MAP3K13: variants seen among roughly 807,000 people sequenced by gnomAD.
The protein encoded by MAP3K13 is mitogen-activated protein kinase kinase kinase 13.
A neutral mutation model predicts 104.0 loss-of-function variants in MAP3K13; 52 were observed. The ratio of observed to expected loss-of-function variants is 0.50; its 90% CI spans 0.40 to 0.63. The LOEUF (loss-of-function observed/expected upper bound fraction) is 0.63. Among genes scored for constraint, MAP3K13 ranks in the 20% least tolerant of loss-of-function variants. MAP3K13 has a pLI of 0.00. For synonymous variants in MAP3K13, 394 were observed against 442.2 expected, an observed-to-expected ratio of 0.89 and a Z score of 1.37; for missense variants, 914 against 1,218.5, an observed-to-expected ratio of 0.75 and a Z score of 3.72.
At chr3:185,313,613 T>C (rs1721574966) in intron 2 of MAP3K13, among the ~76,000 whole-genome samples, 1 of 151,928 alleles carries the variant, frequency 6.6e-6, no homozygotes, top group African/African-American at 2.4e-5. Context: ...AAATTCAGAA[T>C]AGTGATTAAA....
chr3:185,430,151 G>A (rs950826433), intron 2 of MAP3K13, among the ~76,000 whole-genome samples: 23 of 151,888 alleles, frequency 1.5e-4, no homozygotes, highest in African/African-American at 4.4e-4. Context: ...AGCCAAGATC[G>A]TGCCACTGCA....
intron 2 of MAP3K13, among the ~76,000 whole-genome samples, chr3:185,329,629 A>G (rs959568417): frequency 1.3e-5 from 2 of 152,212 alleles, no homozygotes; most frequent in African/African-American, 4.8e-5. Flanking sequence ...TCCCAGTACT[A>G]TGGTGCGTAA....
chr3:185,297,533 G>A (rs1394604424), intron 2 of MAP3K13, among the ~76,000 whole-genome samples: 1 of 152,044 alleles, frequency 6.6e-6, no homozygotes, highest in African/African-American at 2.4e-5. Context: ...TCAGGAGTTC[G>A]AGACCAGCCT....
In MAP3K13 at chr3:185,449,913, GT is replaced by G; in HGVS notation, c.1025del (p.Val342GlyfsTer6). The G allele has an allele frequency of 6.2e-7, 1 of 1,610,476 alleles. No individual in the cohort carries two copies. The highest frequency in any genetic ancestry group is 8.5e-7 in the Non-Finnish European group (1 of 1,178,636). ...GCGCTACTGTAGGTCTTTTGGAGTG[GT>G]GCTTTGGGAGCTGCTGACAGGAGAG... is the stretch of plus-strand genomic sequence containing the variant. ...EKVDIWSFGV[V>X]LWELLTGEIP... On this transcript the variant is annotated frameshift_variant, in exon 6 of 14. Coordinates refer to ENST00000265026, the MANE Select transcript of MAP3K13 (RefSeq NM_004721.5). LOFTEE classifies it high-confidence loss of function.
At chr3:185,363,459 G>A in intron 1 of MAP3K13, 91 bp downstream of exon 1, 1 of 679,498 alleles carries the variant, frequency 1.5e-6, no homozygotes, top group African/African-American at 2.0e-5. Flanking sequence ...TTAGAAAGCT[G>A]ATATTATTGA....
intron 7 of MAP3K13, among the ~76,000 whole-genome samples, chr3:185,455,597 T>C (rs868677262): frequency 0.018 from 84 of 4,638 alleles, 24 homozygotes; most frequent in African/African-American, 0.039. Context: ...ATATATGAGA[T>C]ATATATATCA....
chr3:185,320,397 A>G (rs1721815022), intron 2 of MAP3K13, among the ~76,000 whole-genome samples: 1 of 152,176 alleles, frequency 6.6e-6, no homozygotes, highest in Non-Finnish European at 1.5e-5. Context: ...AGTGACTTTT[A>G]GTGTAGAAAG....
chr3:185,384,839 C>T (rs1035664308), intron 1 of MAP3K13, among the ~76,000 whole-genome samples: 26 of 152,138 alleles, frequency 1.7e-4, no homozygotes, highest in African/African-American at 6.0e-4. Context: ...GTATATTCTG[C>T]ATATTGGTCC....
At chr3:185,359,423 T>TTTA (rs1723512275), upstream of MAP3K13, among the ~76,000 whole-genome samples, 1 of 152,182 alleles carries the variant, frequency 6.6e-6, no homozygotes, top group Non-Finnish European at 1.5e-5. Context: ...CTGTTCAAGA[T>TTTA]TTATTATAAG....
chr3:185,347,946 C>T (rs367654879), intron 2 of MAP3K13, among the ~76,000 whole-genome samples: 18 of 145,392 alleles, frequency 1.2e-4, no homozygotes, highest in Admixed American at 5.7e-4. Context: ...TGGGAGGCGG[C>T]GGTTGCAGTG....
intron 2 of MAP3K13, among the ~76,000 whole-genome samples, chr3:185,335,874 C>A (rs1344427567): frequency 2.6e-5 from 4 of 152,050 alleles, no homozygotes; most frequent in Non-Finnish European, 5.9e-5. Context: ...CCTGCTCAGC[C>A]CTCCTCTCTC....
intron 2 of MAP3K13, among the ~76,000 whole-genome samples, chr3:185,330,858 A>T (rs1375440130): frequency 6.6e-6 from 1 of 152,144 alleles, no homozygotes; most frequent in Non-Finnish European, 1.5e-5. Context: ...GTTCTCACTC[A>T]GGTTGCTCTA....
At chr3:185,409,439 TATC>T (rs1713304369) in intron 1 of MAP3K13, among the ~76,000 whole-genome samples, 1 of 152,034 alleles carries the variant, frequency 6.6e-6, no homozygotes, top group South Asian at 2.1e-4. Flanking sequence ...CACAATGAGA[TATC>T]ATCTCACCCA....
Position 185,331,092 on chromosome 3 carries a change from C to CTTTTTTT in MAP3K13, c.-86+45461_-86+45467dup, listed in dbSNP as rs34204309. ...CTTTTTTTCTTTTAACCTAATTTAC[C>CTTTTTTT]TTTTTTTTTTTTTTTTTTGAGACGG... On this transcript the variant is annotated intron_variant, in intron 2 of 14. Coordinates refer to the MAP3K13 transcript ENST00000424227. Among the ~76,000 whole-genome samples the CTTTTTTT allele has an allele frequency of 1.9e-3, 209 of 108,556 alleles. 2 individuals are homozygous for CTTTTTTT. The highest frequency in any genetic ancestry group is 2.3e-3 in the Non-Finnish European group (132 of 56,304). 71.2% of individuals were successfully genotyped at this position (108,556 alleles called of 152,430 possible). A position where few individuals can be genotyped will look rare whatever the true frequency, so the allele number is the denominator to read the frequency against.
At chr3:185,460,651 A>C (rs1717046026) in intron 7 of MAP3K13, among the ~76,000 whole-genome samples, 3 of 152,338 alleles carry the variant, frequency 2.0e-5, no homozygotes, top group Middle Eastern at 3.4e-3. Flanking sequence ...TAAGTATATA[A>C]AATGGAACTC....
chr3:185,344,590 A>G (rs1722845251), intron 2 of MAP3K13, among the ~76,000 whole-genome samples: 1 of 152,124 alleles, frequency 6.6e-6, no homozygotes, highest in African/African-American at 2.4e-5. Flanking sequence ...TTTAATAATC[A>G]CTTCCGCCCC....
intron 2 of MAP3K13, among the ~76,000 whole-genome samples, chr3:185,330,796 A>G (rs559095948): frequency 1.3e-5 from 2 of 152,306 alleles, no homozygotes; most frequent in African/African-American, 4.8e-5. Flanking sequence ...CCTACAAACC[A>G]GCCCTCAGGA....
At chr3:185,451,549 C>T (rs1489858213) in intron 7 of MAP3K13, 154 bp downstream of exon 7, 1 of 575,290 alleles carries the variant, frequency 1.7e-6, no homozygotes, top group African/African-American at 1.9e-5. Context: ...ACACATATGA[C>T]ATCTTAAGAG....
At chr3:185,464,068 G>A (rs921781910) in intron 8 of MAP3K13, among the ~76,000 whole-genome samples, 4 of 152,188 alleles carry the variant, frequency 2.6e-5, no homozygotes, top group African/African-American at 9.7e-5. Context: ...CGGGTCACTT[G>A]AGCCCAGGAG....
Sources: allele counts gnomAD v4.1 joint callset (sites outside exome capture counted in the v4.1 genomes callset), GRCh38; gene constraint gnomAD v4.1.1; transcripts MANE v1.5; gene names NCBI Gene and HGNC (gene_info 2026-07-23, HGNC 2026-07-21).